SOX6: variants seen among roughly 807,000 people sequenced by gnomAD.
The protein encoded by SOX6 is transcription factor SOX-6.
In SOX6, 11 loss-of-function variants were observed where a neutral mutation model predicts 97.8. The ratio of observed to expected loss-of-function variants is 0.11; its 90% confidence interval spans 0.07 to 0.19. SOX6 has a LOEUF of 0.19. Ranked by LOEUF, SOX6 falls within the 10% of genes least tolerant of loss-of-function variation. SOX6 has a pLI of 1.00. For missense variants in SOX6, 810 were observed against 1,039.5 expected (o/e 0.78, Z 3.04); for synonymous variants, 360 against 371.4 (o/e 0.97, Z 0.35).
At chr11:16,355,252 C>T (rs1857043520) in intron 1 of SOX6, among the ~76,000 whole-genome samples, 1 of 151,846 alleles carries the variant, frequency 6.6e-6, no homozygotes. Context: ...TCTAGGAAAG[C>T]TGGATAAGGA....
chr11:16,436,154 C>T (rs1565145177), intron 1 of SOX6, among the ~76,000 whole-genome samples: 1 of 152,252 alleles, frequency 6.6e-6, no homozygotes, highest in Admixed American at 6.5e-5. Flanking sequence ...CACACGTTTA[C>T]CTATGTAACA....
At chr11:16,180,058 T>TA (rs1015739704) in intron 6 of SOX6, among the ~76,000 whole-genome samples, 1 of 151,410 alleles carries the variant, frequency 6.6e-6, no homozygotes, top group South Asian at 2.1e-4. Flanking sequence ...ATTGGATCCA[T>TA]AAAAAAAATC....
chr11:16,467,167 G>A (rs1387883528), intron 1 of SOX6, among the ~76,000 whole-genome samples: 3 of 152,066 alleles, frequency 2.0e-5, no homozygotes, highest in Non-Finnish European at 4.4e-5. Flanking sequence ...TGGAGAAAAA[G>A]GAATGCTTAT....
intron 4 of SOX6, among the ~76,000 whole-genome samples, chr11:16,559,047 T>C (rs1847779367): frequency 6.6e-6 from 1 of 152,072 alleles, no homozygotes; most frequent in African/African-American, 2.4e-5. Flanking sequence ...GAGCTCATTA[T>C]ATCAAGACAA....
chr11:16,732,633 C>T (rs926174608), intron 2 of SOX6, among the ~76,000 whole-genome samples: 1 of 152,100 alleles, frequency 6.6e-6, no homozygotes, highest in African/African-American at 2.4e-5. Flanking sequence ...CCATAAAAAC[C>T]CTAGATGAAA....
chr11:16,193,234 T>A (rs1194333599), intron 4 of SOX6, among the ~76,000 whole-genome samples: 1 of 152,166 alleles, frequency 6.6e-6, no homozygotes, highest in East Asian at 1.9e-4. Context: ...GGGCTAGGCA[T>A]GGTGGCTCAC....
At chr11:16,546,671 T>C (rs1847624106) in intron 4 of SOX6, among the ~76,000 whole-genome samples, 5 of 151,906 alleles carry the variant, frequency 3.3e-5, no homozygotes. Flanking sequence ...TAGGAGAAAA[T>C]ACAGGGGAAG....
At chr11:16,691,474 C>T (rs10832671) in intron 3 of SOX6, among the ~76,000 whole-genome samples, 40,700 of 152,048 alleles carry the variant, frequency 0.27, 6,093 homozygotes, top group East Asian at 0.48. Context: ...AAAAGTAATA[C>T]ATTTAAAGAA....
At chr11:16,021,481 G>A (rs1486656845) in intron 12 of SOX6, among the ~76,000 whole-genome samples, 2 of 152,046 alleles carry the variant, frequency 1.3e-5, no homozygotes, top group Non-Finnish European at 2.9e-5. Context: ...GATCAAAAAT[G>A]TAGGCTTTAC....
chr11:16,438,056 T>A (rs1859420118), intron 1 of SOX6, among the ~76,000 whole-genome samples: 2 of 152,202 alleles, frequency 1.3e-5, no homozygotes, highest in South Asian at 4.1e-4. Context: ...AAAAAGAAGG[T>A]TATCAATGAG....
At chr11:16,078,375 T>C (rs1198774958) in intron 9 of SOX6, among the ~76,000 whole-genome samples, 1 of 152,194 alleles carries the variant, frequency 6.6e-6, no homozygotes, top group African/African-American at 2.4e-5. Flanking sequence ...AATCTAAGTA[T>C]TATTTCCCAC....
At chr11:16,601,223 A>T (rs1848265145) in intron 4 of SOX6, among the ~76,000 whole-genome samples, 1 of 152,136 alleles carries the variant, frequency 6.6e-6, no homozygotes, top group Admixed American at 6.5e-5. Flanking sequence ...AACTTGATTA[A>T]TTTTTTAATG....
intron 1 of SOX6, among the ~76,000 whole-genome samples, chr11:16,382,941 T>G (rs1286588287): frequency 6.6e-6 from 1 of 151,826 alleles, no homozygotes; most frequent in Non-Finnish European, 1.5e-5. Context: ...AAAAAAAAAC[T>G]AATTAAAACT....
chr11:16,161,260 T>A (rs901397264), intron 6 of SOX6, among the ~76,000 whole-genome samples: 5 of 152,042 alleles, frequency 3.3e-5, no homozygotes, highest in Admixed American at 1.3e-4. Context: ...CTTTATTTTC[T>A]CTTTATTCTT....
intron 12 of SOX6, among the ~76,000 whole-genome samples, chr11:16,040,841 G>A (rs1855642154): frequency 6.6e-6 from 1 of 152,014 alleles, no homozygotes; most frequent in South Asian, 2.1e-4. Flanking sequence ...AATTTGGAAA[G>A]GTTTAAGAGC....
At chr11:16,731,720 A>G (rs562019669) in intron 2 of SOX6, among the ~76,000 whole-genome samples, 17 of 152,348 alleles carry the variant, frequency 1.1e-4, no homozygotes, top group African/African-American at 4.1e-4. Flanking sequence ...CCTATTCAAC[A>G]TAGTATTGGA....
chr11:15,978,997 CA>C (rs1853583229), intron 15 of SOX6, among the ~76,000 whole-genome samples: 1 of 127,126 alleles, frequency 7.9e-6, no homozygotes, highest in Admixed American at 8.6e-5. Context: ...AGCATATATA[CA>C]TGCTTATTTT....
intron 6 of SOX6, among the ~76,000 whole-genome samples, chr11:16,169,026 T>G (rs868083107): frequency 6.6e-6 from 1 of 152,278 alleles, no homozygotes; most frequent in Middle Eastern, 3.4e-3. Flanking sequence ...CTTCCATATT[T>G]GAGGATTTCC....
Position 16,672,629 on chromosome 11 carries a change from G to A in SOX6, n.429+42201C>T, listed in dbSNP as rs117653371. 4.4e-3 allele frequency among the ~76,000 whole-genome samples: 666 copies of A among 152,108 alleles called. 2 individuals are homozygous for A. Among genetic ancestry groups the A allele is most frequent in the Middle Eastern group, 0.02 (6 of 294 alleles). On this transcript the variant is annotated intron_variant and non_coding_transcript_variant, in intron 3 of 5. Coordinates refer to the SOX6 transcript ENST00000524520. The stretch of plus-strand genomic sequence containing the variant: ...GTCACTATCAGCACACAAAAGACCC[G>A]CCCCCATAATTCAACCACCTCCCAC...
Sources: allele counts gnomAD v4.1 joint callset (sites outside exome capture counted in the v4.1 genomes callset), GRCh38; gene constraint gnomAD v4.1.1; transcripts MANE v1.5; gene names NCBI Gene and HGNC (gene_info 2026-07-23, HGNC 2026-07-21).